Variants in TARBP1 observed in about 807,000 individuals in gnomAD.
The protein encoded by TARBP1 is tRNA (guanosine(18)-2'-O)-methyltransferase TARBP1.
Under a neutral mutation model 178.6 loss-of-function variants are expected in TARBP1, and 144 were observed. The observed-to-expected ratio is 0.81, with a 90% confidence interval of 0.70 to 0.93. TARBP1 has a LOEUF of 0.93. Ranked by LOEUF, TARBP1 falls within the 40% of genes least tolerant of loss-of-function variation. The pLI is 0.00. For missense variants in TARBP1, 2,067 were observed against 2,011.7 expected (o/e 1.03, Z -0.53); for synonymous variants, 787 against 781.0 (o/e 1.01, Z -0.13).
intron 17 of TARBP1, among the ~76,000 whole-genome samples, chr1:234,428,171 G>C (rs1014423615): frequency 1.3e-5 from 2 of 152,186 alleles, no homozygotes; most frequent in Non-Finnish European, 2.9e-5. Context: ...AGGCAGCACA[G>C]GGCTGCAGAG....
intron 5 of TARBP1, 110 bp downstream of exon 5, chr1:234,465,546 A>G (rs1207664283): frequency 9.7e-6 from 9 of 925,854 alleles, no homozygotes; most frequent in South Asian, 5.7e-5. Context: ...GAAAAACTCA[A>G]CTGTCTATTC....
At chr1:234,474,506 G>A (rs1195857155) in intron 1 of TARBP1, among the ~76,000 whole-genome samples, 3 of 152,100 alleles carry the variant, frequency 2.0e-5, no homozygotes, top group African/African-American at 2.4e-5. Context: ...CCAGCACAAG[G>A]ATGAAAATAG....
chr1:234,451,687 T>TGCA, intron 9 of TARBP1, among the ~76,000 whole-genome samples: 1 of 83,678 alleles, frequency 1.2e-5, no homozygotes, highest in Non-Finnish European at 2.1e-5. Context: ...AGGCGGAGCT[T>TGCA]GCAGTGAGCC....
Position 234,432,813 on chromosome 1 carries a change from T to C in TARBP1, c.2394+597A>G, listed in dbSNP as rs1229796529. Reference sequence around the variant, plus strand: ...GGCATTAGACAGTGGACAGCTAGGCTGAAAAATGAGGTAGGAAGCCAAGCA... The same window carrying C: ...GGCATTAGACAGTGGACAGCTAGGCCGAAAAATGAGGTAGGAAGCCAAGCA... On this transcript the variant is annotated intron_variant, in intron 14 of 29. Transcript: ENST00000040877. Among the ~76,000 whole-genome samples the C allele has an allele frequency of 7.2e-5, 11 of 152,246 alleles. No individual in the cohort carries two copies. The East Asian group carries it at 2.1e-3, about 29-fold the overall frequency.
chr1:234,415,875 C>G (rs1298621079), intron 22 of TARBP1, among the ~76,000 whole-genome samples: 1 of 152,188 alleles, frequency 6.6e-6, no homozygotes, highest in South Asian at 2.1e-4. Context: ...CTGTAGCTTT[C>G]CCGGTGTTCT....
At chr1:234,401,014 C>T in intron 25 of TARBP1, 167 bp downstream of exon 25, 2 of 509,708 alleles carry the variant, frequency 3.9e-6, no homozygotes, top group Non-Finnish European at 6.9e-6. Context: ...GAAAGCAAGT[C>T]ATCTGCATAA....
At position 234,398,492 on chromosome 1, in the gene TARBP1, T is replaced by C. The variant is rs1196901315; in HGVS notation, c.4133A>G (p.Asp1378Gly). The C allele has an allele frequency of 2.5e-6, 4 of 1,610,626 alleles. No individual in the cohort carries two copies. The highest frequency in any genetic ancestry group is 1.3e-5 in the African/African-American group (1 of 74,904). Residue 1378 changes from aspartate (D) to glycine (G), a missense_variant, in exon 26 of 30, where the codon GAT (aspartate) becomes GGT (glycine). Asp to Gly is a moderately conservative substitution (Grantham distance 94). Transcript: ENST00000040877. ...GLIEDEWITIDKFTRFTDVPL... is the reference protein window; with the variant it reads ...GLIEDEWITIGKFTRFTDVPL... ...AACATCAGTGAATCTGGTAAATTTATCAATGGTGATCCATTCATCTTCAAT... is the reference window on the plus strand; with the variant it reads ...AACATCAGTGAATCTGGTAAATTTACCAATGGTGATCCATTCATCTTCAAT...
chr1:234,468,258 G>A (rs1368426558), intron 3 of TARBP1, among the ~76,000 whole-genome samples: 1 of 152,112 alleles, frequency 6.6e-6, no homozygotes, highest in African/African-American at 2.4e-5. Context: ...TTTGAGACCA[G>A]CCTGGCCAAC....
At chr1:234,469,093 G>GAAAAAAAAAAAA (rs1668791000) in intron 3 of TARBP1, among the ~76,000 whole-genome samples, 9 of 98,238 alleles carry the variant, frequency 9.2e-5, no homozygotes, top group South Asian at 3.9e-4. Context: ...AAAAAAAAAG[G>GAAAAAAAAAAAA]CAAAAACCGC....
At chr1:234,449,608 C>T (rs548527435) in intron 10 of TARBP1, among the ~76,000 whole-genome samples, 2 of 152,044 alleles carry the variant, frequency 1.3e-5, no homozygotes, top group East Asian at 3.9e-4. Flanking sequence ...CACAGACAGA[C>T]CAAAAAAGAC....
At position 234,391,619 on chromosome 1, in the gene TARBP1, G is replaced by A. The variant is rs1407054768; in HGVS notation, c.4824C>T (p.Tyr1608=). Residue 1608 remains tyrosine (Y), a synonymous_variant, in exon 30 of 30, where the codon TAC becomes TAT. Coordinates refer to ENST00000040877, the MANE Select transcript of TARBP1 (RefSeq NM_005646.4). ...HVSGALLIWE[Y]TRQQLLSHGD... is the part of the protein sequence containing the mutation. ...CGTGCGAGAGCAGCTGCTGCCTGGT[G>A]TACTCCCAGATCAGCAGGGCTCCAC... 2 of 1,613,534 alleles carry A rather than the reference G, an allele frequency of 1.2e-6. No individual in the cohort carries two copies. The highest frequency in any genetic ancestry group is 1.7e-5 in the Admixed American group (1 of 60,006).
chr1:234,465,532 A>G, intron 5 of TARBP1, 124 bp downstream of exon 5: 7 of 773,432 alleles, frequency 9.1e-6, no homozygotes, highest in Non-Finnish European at 1.4e-5. Flanking sequence ...GGACCACATG[A>G]TAAGAAAAAC....
intron 22 of TARBP1, among the ~76,000 whole-genome samples, chr1:234,416,271 T>C (rs1188551861): frequency 6.6e-6 from 1 of 152,118 alleles, no homozygotes; most frequent in African/African-American, 2.4e-5. Context: ...AACACGAAGA[T>C]GAAAAAGAAG....
chr1:234,431,935 G>A (rs535330944), intron 14 of TARBP1, among the ~76,000 whole-genome samples: 46 of 151,620 alleles, frequency 3.0e-4, no homozygotes, highest in Middle Eastern at 7.0e-3. Context: ...TCAGGAGTTC[G>A]AAACCAGCCT....
Position 234,418,128 on chromosome 1 carries a change from T to A in TARBP1, c.3661A>T (p.Lys1221Ter). 1 of 1,482,038 alleles carries A rather than the reference T, an allele frequency of 6.7e-7. No individual in the cohort carries two copies. Among genetic ancestry groups the A allele is most frequent in the Non-Finnish European group, 9.0e-7 (1 of 1,111,384 alleles). 91.8% of individuals were successfully genotyped at this position (1,482,038 alleles called of 1,614,324 possible). The stretch of plus-strand genomic sequence containing the variant: ...AACTTTGGAAGAAATTGAGGGAATT[T>A]ATGAAGAATCAATATAATAATCCAT... Reference protein sequence around the residue: ...IEWIIILILHKFPQFLPKFWD... With the variant: ...IEWIIILILH Residue 1221 changes from lysine (K) to a stop codon, truncating the protein, a stop_gained, in exon 22 of 30, where the codon AAA becomes TAA. Transcript: ENST00000040877. LOFTEE classifies it high-confidence loss of function.
Position 234,433,479 on chromosome 1 carries a change from AG to A in TARBP1, c.2324del (p.Pro775LeufsTer9), listed in dbSNP as rs1428289765. The A allele has an allele frequency of 1.2e-6, 2 of 1,614,036 alleles. No homozygotes were observed. The highest frequency in any genetic ancestry group is 1.3e-5 in the African/African-American group (1 of 74,946). ...TCAAAAGAGAAATAACTCTCCAGAT[AG>A]GGTTACCCCTTTTCCACCCAACCTT... ...HLKVGWKRGN[P>X]IWRVISLLKN... On this transcript the variant is annotated frameshift_variant, in exon 14 of 30. Transcript: ENST00000040877. LOFTEE classifies it high-confidence loss of function.
At chr1:234,432,945 C>G (rs1572305830) in intron 14 of TARBP1, among the ~76,000 whole-genome samples, 1 of 152,110 alleles carries the variant, frequency 6.6e-6, no homozygotes, top group East Asian at 1.9e-4. Context: ...AAGATGATGC[C>G]TCTTATATGT....
chr1:234,416,116 C>A (rs1362980048), intron 22 of TARBP1, among the ~76,000 whole-genome samples: 1 of 152,218 alleles, frequency 6.6e-6, no homozygotes, highest in African/African-American at 2.4e-5. Flanking sequence ...TTTGGGGGTA[C>A]ACCAGAACCA....
chr1:234,447,699 C>T (rs759014056), intron 11 of TARBP1, among the ~76,000 whole-genome samples: 1 of 152,174 alleles, frequency 6.6e-6, no homozygotes, highest in Non-Finnish European at 1.5e-5. Context: ...CCTACCTGAT[C>T]TACCTAATGA....
Sources: allele counts gnomAD v4.1 joint callset (sites outside exome capture counted in the v4.1 genomes callset), GRCh38; gene constraint gnomAD v4.1.1; transcripts MANE v1.5; gene names NCBI Gene and HGNC (gene_info 2026-07-23, HGNC 2026-07-21).